Variants in ATP2B4 observed in about 807,000 individuals in gnomAD.
ATP2B4 encodes plasma membrane calcium-transporting ATPase 4.
Under a neutral mutation model 110.3 loss-of-function variants are expected in ATP2B4, and 39 were observed. The ratio of observed to expected loss-of-function variants is 0.35; its 90% CI spans 0.27 to 0.46. The LOEUF (loss-of-function observed/expected upper bound fraction) is 0.46. ATP2B4 is among the 20% of genes least tolerant of loss of function. The pLI is 1.00. For missense variants in ATP2B4, 1,135 were observed against 1,530.9 expected, an observed-to-expected ratio of 0.74 and a Z score of 4.32; for synonymous variants, 538 against 571.7, an observed-to-expected ratio of 0.94 and a Z score of 0.84.
At chr1:203,686,876 G>A (rs1157591113) in intron 2 of ATP2B4, among the ~76,000 whole-genome samples, 1 of 150,916 alleles carries the variant, frequency 6.6e-6, no homozygotes. Flanking sequence ...TGTATTTTTA[G>A]TAGAGACGGG....
chr1:203,647,589 T>C (rs1260127085), intron 1 of ATP2B4, among the ~76,000 whole-genome samples: 5 of 151,888 alleles, frequency 3.3e-5, no homozygotes, highest in Non-Finnish European at 7.4e-5. Flanking sequence ...TCAGACCCCA[T>C]CTCTACAAAA....
chr1:203,698,781 C>T (rs1213498740), intron 3 of ATP2B4, among the ~76,000 whole-genome samples: 1 of 151,930 alleles, frequency 6.6e-6, no homozygotes, highest in Non-Finnish European at 1.5e-5. Context: ...GGATTACAGG[C>T]GTGTGCCATC....
intron 15 of ATP2B4, among the ~76,000 whole-genome samples, chr1:203,715,219 G>A (rs1195012697): frequency 2.0e-5 from 3 of 148,660 alleles, no homozygotes; most frequent in African/African-American, 4.9e-5. Flanking sequence ...AGGTTGCAGC[G>A]AGCCAAGATC....
chr1:203,699,907 G>A lies in ATP2B4; in HGVS notation c.649+190G>A, dbSNP rs193079866. ...AGAAAGGAGTAGCTGAAACTCTGTC[G>A]CAAGATTGTCAGACTTGTACCCTGT... On this transcript the variant is annotated intron_variant, in intron 4 of 20. Transcript: ENST00000357681. 7.2e-5 allele frequency among the ~76,000 whole-genome samples: 11 copies of A among 152,274 alleles called. No individual in the cohort carries two copies. In the East Asian group the frequency reaches 1.9e-3, roughly 27 times the overall value.
chr1:203,725,658 T>C (rs1188892037), intron 19 of ATP2B4, among the ~76,000 whole-genome samples: 1 of 152,116 alleles, frequency 6.6e-6, no homozygotes, highest in East Asian at 1.9e-4. Context: ...TTTCACTTCT[T>C]CCTTAATACC....
intron 2 of ATP2B4, among the ~76,000 whole-genome samples, chr1:203,683,776 C>T (rs916373776): frequency 6.8e-6 from 1 of 147,064 alleles, no homozygotes; most frequent in Non-Finnish European, 1.5e-5. Context: ...TGGGCTGAAG[C>T]CATCTTCCTA....
chr1:203,690,228 G>C (rs1042096404), intron 2 of ATP2B4, among the ~76,000 whole-genome samples: 2 of 152,142 alleles, frequency 1.3e-5, no homozygotes, highest in African/African-American at 4.8e-5. Context: ...GTTTTACCAG[G>C]AATTGTCCAT....
intron 2 of ATP2B4, among the ~76,000 whole-genome samples, chr1:203,689,921 C>T (rs1665314304): frequency 6.6e-6 from 1 of 152,158 alleles, no homozygotes; most frequent in African/African-American, 2.4e-5. Flanking sequence ...TTAGGGATTA[C>T]CCAGTGAAGC....
chr1:203,710,229 G>T (rs1213819757), intron 11 of ATP2B4, among the ~76,000 whole-genome samples: 1 of 152,082 alleles, frequency 6.6e-6, no homozygotes, highest in African/African-American at 2.4e-5. Flanking sequence ...AATTAGCCAG[G>T]CATGGTGGTG....
intron 6 of ATP2B4, 53 bp downstream of exon 6, chr1:203,700,976 A>C: frequency 6.3e-7 from 1 of 1,578,410 alleles, no homozygotes; most frequent in South Asian, 1.1e-5. Flanking sequence ...ATGGACAAAC[A>C]AGGAAGCGAG....
intron 2 of ATP2B4, among the ~76,000 whole-genome samples, chr1:203,696,091 A>AT (rs920771794): frequency 1.3e-5 from 2 of 151,848 alleles, no homozygotes; most frequent in Non-Finnish European, 1.5e-5. Flanking sequence ...CACCCAGCTA[A>AT]TTTTTTTGTA....
At chr1:203,724,394 G>A (rs1666440564) in intron 19 of ATP2B4, among the ~76,000 whole-genome samples, 1 of 152,018 alleles carries the variant, frequency 6.6e-6, no homozygotes. Flanking sequence ...GCAGGTGCCT[G>A]TAGTCCCAGC....
rs1442414957 is a variant in ATP2B4 at position 203,660,809 on chromosome 1, A to T, written c.-464-21933A>T. On this transcript the variant is annotated intron_variant, in intron 1 of 20. Transcript: ENST00000357681. Reference sequence around the variant, plus strand: ...AGACTCTGTCTCAAAAAAATAAATAAATAAGAAGAAGAGCACAGGGACTGG... The same window carrying T: ...AGACTCTGTCTCAAAAAAATAAATATATAAGAAGAAGAGCACAGGGACTGG... 4.0e-5 allele frequency among the ~76,000 whole-genome samples: 6 copies of T among 149,688 alleles called. No individual in the cohort carries two copies. In the South Asian group the frequency reaches 1.1e-3, roughly 27 times the overall value.
chr1:203,720,342 A>T (rs1175415578), intron 15 of ATP2B4, among the ~76,000 whole-genome samples: 1 of 152,234 alleles, frequency 6.6e-6, no homozygotes, highest in Non-Finnish European at 1.5e-5. Flanking sequence ...TGTAATTCCC[A>T]GTCTGAGCTC....
chr1:203,671,317 AT>A (rs1278738638), intron 1 of ATP2B4, among the ~76,000 whole-genome samples: 5 of 151,760 alleles, frequency 3.3e-5, no homozygotes, highest in African/African-American at 9.7e-5. Context: ...CTTGACCTTC[AT>A]TTTTTTTCTT....
chr1:203,678,724 C>T (rs925940741), intron 1 of ATP2B4, among the ~76,000 whole-genome samples: 1 of 152,082 alleles, frequency 6.6e-6, no homozygotes, highest in Non-Finnish European at 1.5e-5. Flanking sequence ...TTTTAAAGGG[C>T]CTCTTAGAAG....
intron 20 of ATP2B4, chr1:203,729,685 C>A (rs754713955): frequency 7.6e-7 from 1 of 1,310,790 alleles, no homozygotes; most frequent in Admixed American, 1.9e-5. Flanking sequence ...CAGGGCGATG[C>A]AGCTCCCTGG....
intron 1 of ATP2B4, among the ~76,000 whole-genome samples, chr1:203,627,561 C>G (rs1272790505): frequency 1.3e-5 from 2 of 152,084 alleles, no homozygotes; most frequent in African/African-American, 4.8e-5. Flanking sequence ...CAACCCATTC[C>G]GTTCCTGCCC....
chr1:203,647,711 A>T (rs1357203399), intron 1 of ATP2B4, among the ~76,000 whole-genome samples: 1 of 152,012 alleles, frequency 6.6e-6, no homozygotes, highest in Admixed American at 6.6e-5. Flanking sequence ...GAGAACCAAG[A>T]TCGTGCCACT....
Sources: gnomAD v4.1 joint callset for allele counts (sites outside exome capture counted in the v4.1 genomes callset) on GRCh38, gnomAD v4.1.1 for gene constraint, MANE v1.5 for transcripts, NCBI Gene and HGNC (gene_info 2026-07-23, HGNC 2026-07-21) for gene names.